Variants in EXOSC10 observed in about 807,000 individuals in gnomAD.
EXOSC10 encodes exosome component 10.
In EXOSC10, 94 loss-of-function variants were observed where a neutral mutation model predicts 126.6. That is an observed-to-expected ratio of 0.74 (90% CI 0.63 to 0.88). The LOEUF (loss-of-function observed/expected upper bound fraction) is 0.88, where lower values mean the gene tolerates loss of function less well. EXOSC10 is among the 40% of genes least tolerant of loss of function. EXOSC10 has a pLI of 0.00. For synonymous variants in EXOSC10, 395 were observed against 400.8 expected (o/e 0.99, Z 0.17); for missense variants, 1,041 against 1,100.5 (o/e 0.95, Z 0.77).
At chr1:11,075,617 A>G (rs17036291) in intron 17 of EXOSC10, among the ~76,000 whole-genome samples, 10,976 of 152,160 alleles carry the variant, frequency 0.072, 619 homozygotes, top group East Asian at 0.15. Context: ...AGCAAGGCCC[A>G]ATCTAGATTT....
chr1:11,098,934 G>A (rs1248789598), intron 1 of EXOSC10, among the ~76,000 whole-genome samples: 1 of 152,206 alleles, frequency 6.6e-6, no homozygotes, highest in East Asian at 1.9e-4. Flanking sequence ...AAGTCACGGA[G>A]GGGAACATGG....
In EXOSC10 at chr1:11,090,189, G is replaced by A. The variant is rs145508743; in HGVS notation, c.758+365C>T. Among the ~76,000 whole-genome samples, 1,216 of 152,158 alleles carry A rather than the reference G, an allele frequency of 8.0e-3. 25 individuals are homozygous for A. The highest frequency in any genetic ancestry group is 0.028 in the African/African-American group (1,149 of 41,524). On this transcript the variant is annotated intron_variant, in intron 6 of 24. Coordinates refer to ENST00000376936, the MANE Select transcript of EXOSC10 (RefSeq NM_001001998.3). ...ATTTTTGTATTTTCAGTAGAGATGG[G>A]GTTTCACCATGTTGGCCAGGCTGGT...
At position 11,087,523 on chromosome 1, in the gene EXOSC10, G is replaced by C; in HGVS notation, c.1014C>G (p.Phe338Leu). The change falls in exon 9 of 25, where the codon TTC (phenylalanine) becomes TTG (leucine). Residue 338 changes from phenylalanine (F) to leucine (L), a missense_variant. Around this residue, in one of 3 missense-constraint regions of EXOSC10, gnomAD observed 645 missense variants for 656.3 expected, o/e 0.98. Coordinates refer to ENST00000376936, the MANE Select transcript of EXOSC10 (RefSeq NM_001001998.3). ...TTCGAAGCTCGAGGGTGTCAATGAT[G>C]AAGTCTTCCGTCCGAGTAGAAATTT... ...LMQISTRTED[F>L]IIDTLELRSD... 6 of 1,614,128 alleles carry C rather than the reference G, an allele frequency of 3.7e-6. No individual in the cohort carries two copies. The South Asian group carries it at 6.6e-5, about 18-fold the overall frequency.
At chr1:11,091,921 C>T (rs1452546111) in intron 3 of EXOSC10, among the ~76,000 whole-genome samples, 3 of 152,104 alleles carry the variant, frequency 2.0e-5, no homozygotes, top group African/African-American at 7.2e-5. Flanking sequence ...AACTCCTGAC[C>T]TCAAGTGATC....
intron 22 of EXOSC10, 163 bp from the exon 23 acceptor site, chr1:11,068,869 C>T (rs1329050764): frequency 4.7e-6 from 3 of 640,532 alleles, no homozygotes; most frequent in South Asian, 3.7e-5. Context: ...TAAATGAATA[C>T]ATAGCGATCC....
At chr1:11,086,677 G>A (rs1484371878) in intron 9 of EXOSC10, among the ~76,000 whole-genome samples, 3 of 152,098 alleles carry the variant, frequency 2.0e-5, no homozygotes, top group East Asian at 1.9e-4. Context: ...ACTCAAAACC[G>A]CTCAACTACA....
intron 17 of EXOSC10, 107 bp from the exon 18 acceptor site, chr1:11,074,433 G>A (rs1388793937): frequency 2.6e-6 from 2 of 759,604 alleles, no homozygotes; most frequent in Admixed American, 2.2e-5. Flanking sequence ...TTTTTCTGGA[G>A]ACAGAGTCTC....
At position 11,080,765 on chromosome 1, in the gene EXOSC10, CG is replaced by C; in HGVS notation, c.1584del (p.Tyr528Ter). On this transcript the variant is annotated frameshift_variant and splice_region_variant, in exon 12 of 25. Transcript: ENST00000376936. LOFTEE classifies it high-confidence loss of function. ...TTAAAAGAACCTCTAATCCCTTACC[CG>C]TAACTTTCATCTTCCCTGCGAGCTG... ...DKTARREDES[Y>X]GYVLPNHMML... 1 of 1,614,130 alleles carries C rather than the reference CG, an allele frequency of 6.2e-7. No individual in the cohort carries two copies.
chr1:11,093,129 T>C (rs1046728892), intron 3 of EXOSC10, among the ~76,000 whole-genome samples: 3 of 152,246 alleles, frequency 2.0e-5, no homozygotes, highest in Admixed American at 6.5e-5. Context: ...TAGTATGTCA[T>C]GCCAAGTAAT....
intron 10 of EXOSC10, 71 bp from the exon 11 acceptor site, chr1:11,081,309 G>A (rs1640155162): frequency 3.8e-6 from 6 of 1,567,884 alleles, no homozygotes; most frequent in Non-Finnish European, 5.2e-6. Flanking sequence ...TATTCCTTGG[G>A]TGCTGGGACT....
At chr1:11,079,900 T>G in intron 13 of EXOSC10, 78 bp from the exon 14 acceptor site, 1 of 1,182,990 alleles carries the variant, frequency 8.5e-7, no homozygotes, top group Non-Finnish European at 1.2e-6. Context: ...GAATAATGAC[T>G]GGGTAAAGCC....
At chr1:11,097,270 C>T (rs1229488210) in intron 2 of EXOSC10, among the ~76,000 whole-genome samples, 5 of 150,578 alleles carry the variant, frequency 3.3e-5, no homozygotes, top group African/African-American at 4.9e-5. Flanking sequence ...CCCAGCTACT[C>T]GGGAGGCTGA....
chr1:11,097,159 G>A (rs1641148273), intron 2 of EXOSC10, among the ~76,000 whole-genome samples: 1 of 151,656 alleles, frequency 6.6e-6, no homozygotes, highest in Non-Finnish European at 1.5e-5. Flanking sequence ...GCTGCGAGCC[G>A]AGATCACGCC....
intron 24 of EXOSC10, among the ~76,000 whole-genome samples, chr1:11,067,452 AC>A (rs1447527391): frequency 2.5e-3 from 362 of 147,350 alleles, no homozygotes; most frequent in African/African-American, 8.7e-3. Context: ...AAAAAAAAAA[AC>A]ATTAGCCGGG....
chr1:11,069,413 C>T (rs544881150), intron 22 of EXOSC10, 146 bp downstream of exon 22: 83 of 928,630 alleles, frequency 8.9e-5, no homozygotes, highest in Non-Finnish European at 1.2e-4. Flanking sequence ...CACATTGCCA[C>T]GGCCTCTCTG....
chr1:11,075,074 C>T (rs1420428162), intron 17 of EXOSC10, among the ~76,000 whole-genome samples: 1 of 152,016 alleles, frequency 6.6e-6, no homozygotes, highest in Non-Finnish European at 1.5e-5. Context: ...GCTCTGTTGC[C>T]CAGGTTGGAG....
chr1:11,081,383 C>A lies in EXOSC10; in HGVS notation c.1281-145G>T, dbSNP rs1640159221. 7 of 872,158 alleles carry A rather than the reference C, an allele frequency of 8.0e-6. No individual in the cohort carries two copies. In the South Asian group the frequency reaches 1.0e-4, roughly 13 times the overall value. The allele number at this position is 872,158 out of a possible 1,614,324, so 54.0% of individuals were successfully genotyped here. ...CAATACTGCAGTTATGCCAACATTT[C>A]CTGCATTTTAACATGATAAACCATT... On this transcript the variant is annotated intron_variant, in intron 10 of 24. Coordinates refer to ENST00000376936, the MANE Select transcript of EXOSC10 (RefSeq NM_001001998.3).
In EXOSC10 at chr1:11,069,727, C is replaced by G; in HGVS notation, c.2320G>C (p.Glu774Gln). 6.3e-7 allele frequency: 1 copy of G among 1,586,816 alleles called. No homozygotes were observed. Among genetic ancestry groups the G allele is most frequent in the Non-Finnish European group, 8.6e-7 (1 of 1,164,116 alleles). The change falls in exon 22 of 25, where the codon GAA becomes CAA. Residue 774 changes from glutamate (E) to glutamine (Q), a missense_variant. By Grantham distance (29) the Glu-to-Gln change is conservative (BLOSUM62 2). Around this residue, in one of 3 missense-constraint regions of EXOSC10, gnomAD observed 388 missense variants for 415.2 expected, o/e 0.93. Transcript: ENST00000376936. ...CGCTCTCTCTTCTTTGCAGCATTTTCTAGCTGTAGATCAGGAACAGATGTG... is the reference window on the plus strand; with the variant it reads ...CGCTCTCTCTTCTTTGCAGCATTTTGTAGCTGTAGATCAGGAACAGATGTG... ...AISVRQQVVL[E>Q]NAAKKRERAT...
At chr1:11,068,966 C>T (rs765352555) in intron 22 of EXOSC10, 40 of 534,700 alleles carry the variant, frequency 7.5e-5, no homozygotes, top group Non-Finnish European at 5.7e-5. Flanking sequence ...CAGCAGTGGC[C>T]CCCGCACATA....
Sources: gnomAD v4.1 joint callset for allele counts (sites outside exome capture counted in the v4.1 genomes callset) on GRCh38, gnomAD v4.1.1 for gene constraint, gnomAD v4.1.1 regional missense constraint, MANE v1.5 for transcripts, NCBI Gene and HGNC (gene_info 2026-07-23, HGNC 2026-07-21) for gene names.